The following KCNK10 variants were observed in gnomAD, a reference collection of about 807,000 sequenced individuals.
KCNK10 encodes potassium channel subfamily K member 10.
Under a neutral mutation model 47.7 loss-of-function variants are expected in KCNK10, and 25 were observed. The observed-to-expected ratio is 0.52, with a 90% CI of 0.38 to 0.73. KCNK10 has a LOEUF of 0.73. Among genes scored for constraint, KCNK10 ranks in the 30% least tolerant of loss-of-function variants. KCNK10 has a pLI of 0.00. For missense variants in KCNK10, 563 were observed against 714.5 expected, an observed-to-expected ratio of 0.79 and a Z score of 2.42; for synonymous variants, 303 against 285.6, an observed-to-expected ratio of 1.06 and a Z score of -0.61.
At chr14:88,242,471 C>T (rs1006695610) in intron 2 of KCNK10, among the ~76,000 whole-genome samples, 1 of 152,126 alleles carries the variant, frequency 6.6e-6, no homozygotes, top group Admixed American at 6.5e-5. Context: ...AGACAATTGA[C>T]TGGATGATAC....
intron 1 of KCNK10, among the ~76,000 whole-genome samples, chr14:88,308,863 T>C (rs528492757): frequency 6.6e-6 from 1 of 152,360 alleles, no homozygotes; most frequent in African/African-American, 2.4e-5. Flanking sequence ...ACCCATTCCA[T>C]ATTAAATTCC....
At chr14:88,268,513 T>A (rs1887329687) in intron 1 of KCNK10, among the ~76,000 whole-genome samples, 1 of 152,126 alleles carries the variant, frequency 6.6e-6, no homozygotes, top group Admixed American at 6.5e-5. Context: ...AAGGGAATCA[T>A]CTGACTTCAA....
rs566381645 is a variant in KCNK10, at chr14:88,184,078, G to A, written c.*1457C>T. 1.3e-5 allele frequency: 2 copies of A among 152,320 alleles called. No individual in the cohort carries two copies. The highest frequency in any genetic ancestry group is 4.8e-5 in the African/African-American group (2 of 41,418). The allele number at this position is 152,320 out of a possible 1,614,324, so 9.4% of individuals were successfully genotyped here. A position where few individuals can be genotyped will look rare whatever the true frequency, so the allele number is the denominator to read the frequency against. On this transcript the variant is annotated 3_prime_UTR_variant, in exon 7 of 7. Transcript: ENST00000319231. ...GATAAAGACTGAGGCATACACAGGA[G>A]TATGTATTTTCCCCTTTCTGATACA...
intron 4 of KCNK10, among the ~76,000 whole-genome samples, chr14:88,225,505 G>A (rs186177402): frequency 3.3e-5 from 5 of 152,268 alleles, no homozygotes; most frequent in Admixed American, 2.0e-4. Context: ...ATTTGTAGTC[G>A]GAAATTCATT....
At chr14:88,273,257 T>C (rs1254359629) in intron 1 of KCNK10, among the ~76,000 whole-genome samples, 2 of 151,964 alleles carry the variant, frequency 1.3e-5, no homozygotes, top group African/African-American at 4.8e-5. Flanking sequence ...AGGGGAGAAC[T>C]GGGCTGGGCG....
At chr14:88,239,600 G>A (rs974631644) in intron 3 of KCNK10, among the ~76,000 whole-genome samples, 12 of 152,070 alleles carry the variant, frequency 7.9e-5, no homozygotes, top group Non-Finnish European at 1.2e-4. Context: ...GGCTCACGCC[G>A]GTAATCCCAA....
At chr14:88,274,317 C>A (rs905929088) in intron 1 of KCNK10, among the ~76,000 whole-genome samples, 1 of 151,742 alleles carries the variant, frequency 6.6e-6, no homozygotes, top group Non-Finnish European at 1.5e-5. Flanking sequence ...CAGTAGAAAG[C>A]AAAACTGAAA....
rs1303863384 is a variant in KCNK10, at chr14:88,184,052, T to C, written c.*1483A>G. 6.6e-6 allele frequency: 1 copy of C among 152,362 alleles called. No individual in the cohort carries two copies. Among genetic ancestry groups the C allele is most frequent in the Non-Finnish European group, 1.5e-5 (1 of 68,044 alleles). 9.4% of individuals were successfully genotyped at this position (152,362 alleles called of 1,614,324 possible). ...GAGCTAGCTGTGAACCAGCCAATTA[T>C]GATAAAGACTGAGGCATACACAGGA... On this transcript the variant is annotated 3_prime_UTR_variant, in exon 7 of 7. Coordinates refer to ENST00000319231, the MANE Select transcript of KCNK10 (RefSeq NM_138317.3).
intron 4 of KCNK10, among the ~76,000 whole-genome samples, chr14:88,202,184 C>T (rs1261434959): frequency 6.6e-6 from 1 of 152,170 alleles, no homozygotes; most frequent in East Asian, 1.9e-4. Flanking sequence ...TTGGATCAAC[C>T]CTGGTGACGC....
upstream of KCNK10, among the ~76,000 whole-genome samples, chr14:88,323,407 AGC>A (rs1256530626): frequency 2.1e-5 from 3 of 143,264 alleles, no homozygotes; most frequent in Non-Finnish European, 4.6e-5. Flanking sequence ...GCGCCCGGGC[AGC>A]GCGCGGCGAG....
chr14:88,205,728 A>C (rs1885251430), intron 4 of KCNK10, among the ~76,000 whole-genome samples: 1 of 151,574 alleles, frequency 6.6e-6, no homozygotes, highest in South Asian at 2.1e-4. Flanking sequence ...TATTTTTAGT[A>C]AGATGGAGTT....
rs761948241 is a variant in KCNK10 at position 88,204,565 on chromosome 14, C to A, written c.682-12155G>T. On this transcript the variant is annotated intron_variant, in intron 4 of 6. Coordinates refer to ENST00000319231, the MANE Select transcript of KCNK10 (RefSeq NM_138317.3). The stretch of plus-strand genomic sequence containing the variant: ...TCTGAGGAAACTGTCAGGGACCCCA[C>A]CCCCCGCCATTTCCCCCAACTCCCC... Among the ~76,000 whole-genome samples the A allele has an allele frequency of 2.5e-3, 364 of 144,336 alleles. 2 individuals are homozygous for A. Among genetic ancestry groups the A allele is most frequent in the Non-Finnish European group, 3.3e-3 (219 of 65,830 alleles). The allele number at this position is 144,336 out of a possible 152,430, so 94.7% of individuals were successfully genotyped here.
At chr14:88,271,753 T>C (rs2139763404) in intron 1 of KCNK10, among the ~76,000 whole-genome samples, 1 of 152,142 alleles carries the variant, frequency 6.6e-6, no homozygotes, top group Admixed American at 6.5e-5. Flanking sequence ...AACTGTGATT[T>C]GAGGACCCAA....
At chr14:88,261,172 AAC>A (rs1165408433) in intron 2 of KCNK10, among the ~76,000 whole-genome samples, 1 of 152,260 alleles carries the variant, frequency 6.6e-6, no homozygotes, top group Non-Finnish European at 1.5e-5. Flanking sequence ...AGGAAAAGGT[AAC>A]ACAGTGCATT....
intron 5 of KCNK10, among the ~76,000 whole-genome samples, chr14:88,190,724 A>C (rs961238424): frequency 4.6e-5 from 7 of 152,220 alleles, no homozygotes; most frequent in Non-Finnish European, 1.0e-4. Context: ...TTATTTCTAC[A>C]AAGTGGAATT....
chr14:88,259,224 T>G (rs1189152067), intron 2 of KCNK10, among the ~76,000 whole-genome samples: 1 of 152,214 alleles, frequency 6.6e-6, no homozygotes, highest in Non-Finnish European at 1.5e-5. Context: ...TTCATCCTTG[T>G]GAAGGTATCA....
In KCNK10 at chr14:88,192,340, A is replaced by G. The variant is rs1021000616; in HGVS notation, c.752T>C (p.Val251Ala). ...TILFILAGCI[V>A]FVTIPAVIFK... Reference sequence around the variant, plus strand: ...GATGACAGCAGGGATCGTCACAAACACAATGCAGCCGGCCAAGATGAACAG... The same window carrying G: ...GATGACAGCAGGGATCGTCACAAACGCAATGCAGCCGGCCAAGATGAACAG... Residue 251 changes from valine (V) to alanine (A), a missense_variant, in exon 5 of 7, where the codon GTG (valine) becomes GCG (alanine). By Grantham distance (64) the Val-to-Ala change is moderately conservative. Transcript: ENST00000319231. 1 of 1,614,058 alleles carries G rather than the reference A, an allele frequency of 6.2e-7. No individual in the cohort carries two copies. Among genetic ancestry groups the G allele is most frequent in the African/African-American group, 1.3e-5 (1 of 74,914 alleles).
At chr14:88,248,516 C>T (rs758960608) in intron 2 of KCNK10, among the ~76,000 whole-genome samples, 2 of 152,076 alleles carry the variant, frequency 1.3e-5, no homozygotes, top group Non-Finnish European at 2.9e-5. Flanking sequence ...ATTGCTTGAG[C>T]GCAGGAGTTC....
intron 4 of KCNK10, 46 bp downstream of exon 4, chr14:88,227,329 C>T (rs202114149): frequency 1.3e-6 from 2 of 1,500,194 alleles, no homozygotes; most frequent in Admixed American, 2.2e-5. Flanking sequence ...AGGCTAAAGC[C>T]AACTGGATCA....
Sources: gnomAD v4.1 joint callset for allele counts (sites outside exome capture counted in the v4.1 genomes callset) on GRCh38, gnomAD v4.1.1 for gene constraint, MANE v1.5 for transcripts, NCBI Gene and HGNC (gene_info 2026-07-23, HGNC 2026-07-21) for gene names.